The following ZNF644 variants were observed in gnomAD, a reference collection of about 807,000 sequenced individuals.
The protein encoded by ZNF644 is zinc finger motif enhancer binding protein 2.
In ZNF644, 20 loss-of-function variants were observed where a neutral mutation model predicts 108.0. The ratio of observed to expected loss-of-function variants is 0.19; its 90% CI spans 0.13 to 0.27. The LOEUF is 0.27. Ranked by LOEUF, ZNF644 falls within the 10% of genes least tolerant of loss-of-function variation. The probability of loss-of-function intolerance (pLI) is 1.00; values close to 1 mark genes in which losing one functional copy is unlikely to be tolerated. For missense variants in ZNF644, 1,338 were observed against 1,548.9 expected, an observed-to-expected ratio of 0.86 and a Z score of 2.29; for synonymous variants, 542 against 539.1, an observed-to-expected ratio of 1.01 and a Z score of -0.08.
At chr1:90,947,322 A>G (rs755847488) in intron 2 of ZNF644, among the ~76,000 whole-genome samples, 1 of 152,204 alleles carries the variant, frequency 6.6e-6, no homozygotes, top group African/African-American at 2.4e-5. Context: ...CGTGGCTCCA[A>G]TAAGACAAAT....
chr1:91,000,420 A>T (rs186415452), intron 1 of ZNF644, among the ~76,000 whole-genome samples: 3 of 152,314 alleles, frequency 2.0e-5, no homozygotes, highest in African/African-American at 4.8e-5. Context: ...AAACTGAACA[A>T]CCTGCTCCTG....
At chr1:90,925,623 C>T (rs1303793409) in intron 4 of ZNF644, among the ~76,000 whole-genome samples, 1 of 148,392 alleles carries the variant, frequency 6.7e-6, no homozygotes, top group African/African-American at 2.5e-5. Context: ...AAAGCAAAAC[C>T]CAGAAACTTA....
At chr1:90,984,929 T>C (rs1207263823) in intron 1 of ZNF644, among the ~76,000 whole-genome samples, 1 of 152,190 alleles carries the variant, frequency 6.6e-6, no homozygotes, top group Non-Finnish European at 1.5e-5. Context: ...GCACAAACGA[T>C]ATAAACATAC....
chr1:90,915,633 C>G lies in ZNF644; in HGVS notation c.*1165G>C, dbSNP rs1648686951. On this transcript the variant is annotated 3_prime_UTR_variant, in exon 6 of 6. Transcript: ENST00000337393. ...TTTATCATGACCAAGACACCTGCAC[C>G]ATATTTTCCATTCCTCACAGCACAT... 6.6e-6 allele frequency: 1 copy of G among 152,466 alleles called. No individual in the cohort carries two copies. Among genetic ancestry groups the G allele is most frequent in the South Asian group, 2.1e-4 (1 of 4,828 alleles). The allele number at this position is 152,466 out of a possible 1,614,324, so 9.4% of individuals were successfully genotyped here. A position where few individuals can be genotyped will look rare whatever the true frequency, so the allele number is the denominator to read the frequency against.
Position 91,021,998 on chromosome 1 carries a change from G to T in ZNF644, c.-26C>A, listed in dbSNP as rs2100736139. The T allele has an allele frequency of 2.5e-6, 1 of 398,872 alleles. No individual in the cohort carries two copies. The highest frequency in any genetic ancestry group is 4.4e-6 in the Non-Finnish European group (1 of 225,990). 24.7% of individuals were successfully genotyped at this position (398,872 alleles called of 1,614,324 possible). A position where few individuals can be genotyped will look rare whatever the true frequency, so the allele number is the denominator to read the frequency against. On this transcript the variant is annotated 5_prime_UTR_variant, in exon 1 of 6. Coordinates refer to ENST00000337393, the MANE Select transcript of ZNF644 (RefSeq NM_201269.3). ...TAACCCCTGAAACTCACAGTTTGGT[G>T]CCGTGTGCGTCAAACCGGGGCGACG...
chr1:90,950,015 C>T (rs538252458), intron 2 of ZNF644, among the ~76,000 whole-genome samples: 12 of 151,848 alleles, frequency 7.9e-5, no homozygotes, highest in Admixed American at 2.6e-4. Flanking sequence ...CAGTGGCTCA[C>T]GCCTGTAATC....
intron 1 of ZNF644, among the ~76,000 whole-genome samples, chr1:91,019,402 GGTT>G (rs1165037909): frequency 6.6e-6 from 1 of 152,108 alleles, no homozygotes; most frequent in Admixed American, 6.5e-5. Context: ...TCAAGTCCCT[GGTT>G]GTTGTTTTTT....
At chr1:91,002,433 A>G (rs1658941559) in intron 1 of ZNF644, among the ~76,000 whole-genome samples, 1 of 152,198 alleles carries the variant, frequency 6.6e-6, no homozygotes. Flanking sequence ...TGGGGAAAGG[A>G]TTCCCTATTT....
rs961196858 is a variant in ZNF644 at position 90,939,270 on chromosome 1, C to T, written c.2084G>A (p.Gly695Asp). 3 of 1,613,922 alleles carry T rather than the reference C, an allele frequency of 1.9e-6. No homozygotes were observed. Among genetic ancestry groups the T allele is most frequent in the Non-Finnish European group, 1.7e-6 (2 of 1,179,944 alleles). ...GCTGTTTTGATTGCACATGTTTACA[C>T]CTGATTGGGCAATGCTTTTCCGAGC... ...QKARKSIAQS[G>D]VNMCNQNSSP... Residue 695 changes from glycine (G) to aspartate (D), a missense_variant, in exon 3 of 6, where the codon GGT becomes GAT. Around this residue, in one of 6 missense-constraint regions of ZNF644, gnomAD observed 462 missense variants for 472.6 expected, o/e 0.98. Transcript: ENST00000337393.
chr1:90,972,445 C>CA (rs576606589), intron 2 of ZNF644, among the ~76,000 whole-genome samples: 1 of 151,962 alleles, frequency 6.6e-6, no homozygotes, highest in African/African-American at 2.4e-5. Flanking sequence ...TAGCCACTAT[C>CA]AAAAAACAAA....
At chr1:91,017,808 A>C (rs149898859) in intron 1 of ZNF644, among the ~76,000 whole-genome samples, 1,922 of 152,110 alleles carry the variant, frequency 0.013, 38 homozygotes, top group African/African-American at 0.044. Context: ...CTAAAAATAC[A>C]AACATTAGCC....
At chr1:90,970,276 G>A (rs1390551816) in intron 2 of ZNF644, among the ~76,000 whole-genome samples, 1 of 152,134 alleles carries the variant, frequency 6.6e-6, no homozygotes, top group Non-Finnish European at 1.5e-5. Flanking sequence ...TGTATTCAGG[G>A]CCCTTGCAAA....
intron 1 of ZNF644, among the ~76,000 whole-genome samples, chr1:91,001,735 G>T (rs891366122): frequency 6.6e-6 from 1 of 152,182 alleles, no homozygotes; most frequent in African/African-American, 2.4e-5. Flanking sequence ...AGGAAAAGAA[G>T]AAGTCAAATT....
intron 1 of ZNF644, among the ~76,000 whole-genome samples, chr1:90,990,434 T>C (rs747303007): frequency 2.0e-5 from 3 of 152,050 alleles, no homozygotes; most frequent in African/African-American, 4.8e-5. Flanking sequence ...TATGAAACAA[T>C]AGTTTTCATA....
intron 1 of ZNF644, among the ~76,000 whole-genome samples, chr1:91,000,024 C>T (rs1046422581): frequency 6.6e-6 from 1 of 152,058 alleles, no homozygotes; most frequent in African/African-American, 2.4e-5. Context: ...ACAGGAGCAC[C>T]CAGATTCATA....
At chr1:91,003,095 A>G (rs1229897062) in intron 1 of ZNF644, among the ~76,000 whole-genome samples, 11 of 152,242 alleles carry the variant, frequency 7.2e-5, no homozygotes, top group Non-Finnish European at 1.5e-5. Context: ...AGTGTAAACT[A>G]CTTCAACCAT....
intron 1 of ZNF644, among the ~76,000 whole-genome samples, chr1:91,015,139 A>AC (rs546073613): frequency 1.0e-3 from 153 of 152,256 alleles, no homozygotes; most frequent in Non-Finnish European, 1.9e-3. Context: ...TCATACTAGT[A>AC]CCCCTCCTCA....
intron 1 of ZNF644, chr1:91,021,758 T>C (rs1307003529): frequency 1.9e-5 from 6 of 308,906 alleles, no homozygotes; most frequent in Non-Finnish European, 3.5e-5. Flanking sequence ...GGGCTCCTTG[T>C]GTAGCACCAA....
At chr1:90,923,160 G>C (rs1649659925) in intron 4 of ZNF644, among the ~76,000 whole-genome samples, 1 of 152,098 alleles carries the variant, frequency 6.6e-6, no homozygotes, top group Non-Finnish European at 1.5e-5. Flanking sequence ...GTCACATAGG[G>C]AGAGCCCCAC....
Sources: gnomAD v4.1 joint callset for allele counts (sites outside exome capture counted in the v4.1 genomes callset) on GRCh38, gnomAD v4.1.1 for gene constraint, gnomAD v4.1.1 regional missense constraint, MANE v1.5 for transcripts, NCBI Gene and HGNC (gene_info 2026-07-23, HGNC 2026-07-21) for gene names.